ZNF326: variants seen among roughly 807,000 people sequenced by gnomAD.
ZNF326 encodes the protein zinc finger protein 326, also known as DBIRD complex subunit ZNF326.
In ZNF326, 30 loss-of-function variants were observed where a neutral mutation model predicts 63.1. That is an observed-to-expected ratio of 0.48 (90% confidence interval 0.36 to 0.64). The LOEUF is 0.64. Ranked by LOEUF, ZNF326 falls within the 30% of genes least tolerant of loss-of-function variation. The pLI, the probability that ZNF326 is intolerant of heterozygous loss-of-function variation, is 0.00. For synonymous variants in ZNF326, 194 were observed against 228.2 expected, an observed-to-expected ratio of 0.85 and a Z score of 1.35; for missense variants, 609 against 720.3, an observed-to-expected ratio of 0.85 and a Z score of 1.77.
intron 1 of ZNF326, among the ~76,000 whole-genome samples, chr1:89,996,158 C>T (rs918888963): frequency 6.6e-6 from 1 of 152,116 alleles, no homozygotes; most frequent in Non-Finnish European, 1.5e-5. Context: ...GTTTTCAAAC[C>T]TTGCTTGGAA....
At chr1:90,023,537 T>G (rs1323054045) in intron 11 of ZNF326, among the ~76,000 whole-genome samples, 2 of 152,094 alleles carry the variant, frequency 1.3e-5, no homozygotes, top group Non-Finnish European at 2.9e-5. Context: ...TTGTCGCCAT[T>G]TACTACATTC....
rs1387718846 is a variant in ZNF326, at chr1:90,031,380, T to G, written c.*3679T>G. On this transcript the variant is annotated 3_prime_UTR_variant, in exon 12 of 12. Transcript: ENST00000340281. ...TTTTTGTTGGCAAGATTGTTCTTATTGTAGAAGTGGATATTATCAGATTAT... is the reference window on the plus strand; with the variant it reads ...TTTTTGTTGGCAAGATTGTTCTTATGGTAGAAGTGGATATTATCAGATTAT... 1 of 152,224 alleles carries G rather than the reference T, an allele frequency of 6.6e-6. No homozygotes were observed. Among genetic ancestry groups the G allele is most frequent in the East Asian group, 1.9e-4 (1 of 5,206 alleles). 9.4% of individuals were successfully genotyped at this position (152,224 alleles called of 1,614,324 possible). A position where few individuals can be genotyped will look rare whatever the true frequency, so the allele number is the denominator to read the frequency against.
chr1:90,016,817 T>G (rs1245646051), intron 7 of ZNF326, among the ~76,000 whole-genome samples: 1 of 152,192 alleles, frequency 6.6e-6, no homozygotes, highest in Admixed American at 6.5e-5. Context: ...ATTTGTCCAG[T>G]CCAGGCCTAT....
At chr1:90,012,324 A>G (rs183474677) in intron 6 of ZNF326, among the ~76,000 whole-genome samples, 1 of 152,330 alleles carries the variant, frequency 6.6e-6, no homozygotes, top group East Asian at 1.9e-4. Context: ...AACTGTGAAA[A>G]CATGCTAAAT....
At position 90,007,667 on chromosome 1, in the gene ZNF326, C is replaced by T. The variant is rs1334333548; in HGVS notation, c.532C>T (p.Pro178Ser). The change falls in exon 5 of 12, where the codon CCT becomes TCT. Residue 178 changes from proline (P) to serine (S), a missense_variant. Pro to Ser is a moderately conservative substitution (Grantham distance 74, BLOSUM62 -1). Coordinates refer to ENST00000340281, the MANE Select transcript of ZNF326 (RefSeq NM_182976.4). This position sits in a 1 kb window ranked among gnomAD's most constrained non-coding sequence, Gnocchi z 4.9. ...TGTAGGCTCTCGGGGGAGAGGAACG[C>T]CTGCTTATCCTGAAAGTACGTTTGG... ...APVGSRGRGT[P>S]AYPESTFGSR... 2 of 1,523,924 alleles carry T rather than the reference C, an allele frequency of 1.3e-6. No homozygotes were observed. Among genetic ancestry groups the T allele is most frequent in the Non-Finnish European group, 8.8e-7 (1 of 1,137,322 alleles). The allele number at this position is 1,523,924 out of a possible 1,614,324, so 94.4% of individuals were successfully genotyped here. A position where few individuals can be genotyped will look rare whatever the true frequency, so the allele number is the denominator to read the frequency against.
chr1:90,022,391 C>A, intron 11 of ZNF326, 46 bp downstream of exon 11: 3 of 1,320,098 alleles, frequency 2.3e-6, no homozygotes, highest in Non-Finnish European at 3.3e-6. Context: ...TGTAGTATTG[C>A]AATAATTAAC....
At chr1:90,024,791 T>C (rs995204143) in intron 11 of ZNF326, among the ~76,000 whole-genome samples, 24 of 152,084 alleles carry the variant, frequency 1.6e-4, no homozygotes, top group African/African-American at 5.6e-4. Flanking sequence ...ACTTCCCATA[T>C]GCTTATTTCT....
At position 89,995,214 on chromosome 1, in the gene ZNF326, G is replaced by C; in HGVS notation, c.-44G>C. 6.5e-7 allele frequency: 1 copy of C among 1,535,086 alleles called. No individual in the cohort carries two copies. The highest frequency in any genetic ancestry group is 8.7e-7 in the Non-Finnish European group (1 of 1,143,888). On this transcript the variant is annotated 5_prime_UTR_variant, in exon 1 of 12. Transcript: ENST00000340281. Reference sequence around the variant, plus strand: ...TCGCGGACGCTCGCCGCCGGCCATAGCTCAGCCTAGCGCCGCCAAGGCCGA... The same window carrying C: ...TCGCGGACGCTCGCCGCCGGCCATACCTCAGCCTAGCGCCGCCAAGGCCGA...
intron 7 of ZNF326, among the ~76,000 whole-genome samples, chr1:90,014,710 A>G (rs1174355187): frequency 1.3e-5 from 2 of 152,212 alleles, no homozygotes; most frequent in African/African-American, 4.8e-5. Flanking sequence ...ATCCATAAAA[A>G]GAAGAGTAGT....
chr1:90,013,668 A>C (rs1649360955), intron 7 of ZNF326, among the ~76,000 whole-genome samples: 1 of 152,200 alleles, frequency 6.6e-6, no homozygotes, highest in Admixed American at 6.5e-5. Flanking sequence ...TATAATAGTT[A>C]AAAATATGTG....
chr1:90,025,541 G>A (rs1159666873), intron 11 of ZNF326, among the ~76,000 whole-genome samples: 1 of 152,174 alleles, frequency 6.6e-6, no homozygotes, highest in Non-Finnish European at 1.5e-5. Context: ...AGGAATTTGT[G>A]TTTTCAGCAA....
chr1:90,022,244 T>C lies in ZNF326; in HGVS notation c.1306-6T>C. Reference sequence around the variant, plus strand: ...AAGAACCCTCAGTGTGTTCTGTTTTTTATAGGCTTATAAGGAACAAATAAA... The same window carrying C: ...AAGAACCCTCAGTGTGTTCTGTTTTCTATAGGCTTATAAGGAACAAATAAA... On this transcript the variant is annotated splice_region_variant and splice_polypyrimidine_tract_variant and intron_variant, in intron 10 of 11. Transcript: ENST00000340281. 2 of 1,596,828 alleles carry C rather than the reference T, an allele frequency of 1.3e-6. No homozygotes were observed. The highest frequency in any genetic ancestry group is 1.7e-6 in the Non-Finnish European group (2 of 1,171,520).
At chr1:90,005,367 C>T in intron 4 of ZNF326, 123 bp downstream of exon 4, 1 of 1,431,724 alleles carries the variant, frequency 7.0e-7, no homozygotes, top group Non-Finnish European at 9.2e-7. Context: ...GAATCATCAC[C>T]TTAAATATTT....
At chr1:90,023,005 T>C (rs1649848010) in intron 11 of ZNF326, among the ~76,000 whole-genome samples, 1 of 152,168 alleles carries the variant, frequency 6.6e-6, no homozygotes, top group Non-Finnish European at 1.5e-5. Context: ...GCTTCTAATA[T>C]TATGAAACTC....
chr1:90,016,087 G>A (rs1020475335), intron 7 of ZNF326, among the ~76,000 whole-genome samples: 1 of 152,040 alleles, frequency 6.6e-6, no homozygotes. Context: ...ACCTCCTATA[G>A]GAAGTAGCAA....
chr1:90,026,708 A>G (rs1281725222), intron 11 of ZNF326, among the ~76,000 whole-genome samples: 1 of 152,166 alleles, frequency 6.6e-6, no homozygotes, highest in Non-Finnish European at 1.5e-5. Flanking sequence ...CTTAAAGGGT[A>G]GTGCCAATCT....
At chr1:90,003,308 A>G (rs533431219) in intron 2 of ZNF326, among the ~76,000 whole-genome samples, 2 of 151,788 alleles carry the variant, frequency 1.3e-5, no homozygotes, top group Non-Finnish European at 2.9e-5. Context: ...TTTTTTTTGT[A>G]TTTTTAGTAG....
rs1650416074 is a variant in ZNF326 at position 90,034,733 on chromosome 1, G to C, written c.*7032G>C. 6.6e-6 allele frequency: 1 copy of C among 152,172 alleles called. No individual in the cohort carries two copies. Among genetic ancestry groups the C allele is most frequent in the Non-Finnish European group, 1.5e-5 (1 of 68,012 alleles). 9.4% of individuals were successfully genotyped at this position (152,172 alleles called of 1,614,324 possible). A position where few individuals can be genotyped will look rare whatever the true frequency, so the allele number is the denominator to read the frequency against. ...TCTTTATTTTATTTAAGCAGTTCTAGATTATACAAAATGTTGAAACATCTC... is the reference window on the plus strand; with the variant it reads ...TCTTTATTTTATTTAAGCAGTTCTACATTATACAAAATGTTGAAACATCTC... On this transcript the variant is annotated 3_prime_UTR_variant, in exon 12 of 12. Coordinates refer to ENST00000340281, the MANE Select transcript of ZNF326 (RefSeq NM_182976.4).
At chr1:90,021,250 G>A (rs1224222579) in intron 10 of ZNF326, among the ~76,000 whole-genome samples, 1 of 151,862 alleles carries the variant, frequency 6.6e-6, no homozygotes, top group Non-Finnish European at 1.5e-5. Context: ...AACGTATAAG[G>A]CATTTAAAAT....
Sources: gnomAD v4.1 joint callset for allele counts (sites outside exome capture counted in the v4.1 genomes callset) on GRCh38, gnomAD v4.1.1 for gene constraint, Gnocchi (gnomAD v3.1) non-coding constraint, MANE v1.5 for transcripts, NCBI Gene and HGNC (gene_info 2026-07-23, HGNC 2026-07-21) for gene names.